The following CHD8 variants were observed in gnomAD, a reference collection of about 807,000 sequenced individuals.
The protein encoded by CHD8 is ATP-dependent chromatin remodeler CHD8.
A neutral mutation model predicts 279.2 loss-of-function variants in CHD8; 31 were observed. The ratio of observed to expected loss-of-function variants is 0.11; its 90% CI spans 0.08 to 0.15. The LOEUF is 0.15. CHD8 is among the 10% of genes least tolerant of loss of function. The pLI is 1.00. For synonymous variants in CHD8, 1,081 were observed against 1,139.6 expected (o/e 0.95, Z 1.04); for missense variants, 2,146 against 3,230.5 (o/e 0.66, Z 8.14).
chr14:21,390,641 G>A (rs567987897), intron 37 of CHD8, among the ~76,000 whole-genome samples: 17 of 152,040 alleles, frequency 1.1e-4, no homozygotes, highest in Non-Finnish European at 2.2e-4. Flanking sequence ...AGCCAGGCGC[G>A]GTGGCAGGTG....
intron 5 of CHD8, among the ~76,000 whole-genome samples, chr14:21,417,612 T>C (rs1888784290): frequency 1.3e-5 from 2 of 151,916 alleles, no homozygotes; most frequent in South Asian, 4.2e-4. Flanking sequence ...CCCAGCACTT[T>C]GGGAGGCCGA....
In CHD8 at chr14:21,439,804, A is replaced by G. The variant is rs182746176; in HGVS notation, c.-215-7946T>C. Among the ~76,000 whole-genome samples, 331 of 152,360 alleles carry G rather than the reference A, an allele frequency of 2.2e-3. 1 individual carries two copies. Among genetic ancestry groups the G allele is most frequent in the African/African-American group, 7.3e-3 (304 of 41,582 alleles). On this transcript the variant is annotated intron_variant, in intron 1 of 37. Transcript: ENST00000646647. ...TGTCTACATATACTTGCTAGCCAAA[A>G]AAAGACAAATTACTATTGTCGTATT... is the stretch of plus-strand genomic sequence containing the variant.
chr14:21,428,395 C>T lies in CHD8; in HGVS notation c.1216-141G>A. 4 of 745,086 alleles carry T rather than the reference C, an allele frequency of 5.4e-6. 1 individual carries two copies. In the South Asian group the frequency reaches 7.8e-5, roughly 14 times the overall value. 46.2% of individuals were successfully genotyped at this position (745,086 alleles called of 1,614,324 possible). On this transcript the variant is annotated intron_variant, in intron 3 of 37. Transcript: ENST00000646647. The stretch of plus-strand genomic sequence containing the variant: ...CTCAGACTAAATCTTATTGAACCTA[C>T]ACCTACTTTTTAAAATGTATTCTTT...
Position 21,394,476 on chromosome 14 carries a change from C to A in CHD8, c.5400G>T (p.Arg1800Ser). 1.9e-6 allele frequency: 3 copies of A among 1,594,966 alleles called. No homozygotes were observed. The highest frequency in any genetic ancestry group is 2.6e-6 in the Non-Finnish European group (3 of 1,169,990). The change falls in exon 31 of 38, where the codon AGG becomes AGT. Residue 1800 changes from arginine (R) to serine (S), a missense_variant. Physicochemically the swap from Arg to Ser is moderately radical, Grantham distance 110. This residue lies in a region of CHD8 where 513 missense variants were observed against 637.6 expected (regional missense o/e 0.80). Transcript: ENST00000646647. The stretch of plus-strand genomic sequence containing the variant: ...CTCGATAAAAATCAGTTTGTTCACG[C>A]CTTGTCCATCTACAAAAGGAAAAGT... The part of the protein sequence containing the change: ...ARREKQQRWT[R>S]REQTDFYRVV...
At position 21,385,420 on chromosome 14, in the gene CHD8, G is replaced by A; in HGVS notation, c.*193C>T. The A allele has an allele frequency of 1.2e-6, 1 of 867,200 alleles. No homozygotes were observed. The allele number at this position is 867,200 out of a possible 1,614,324, so 53.7% of individuals were successfully genotyped here. A position where few individuals can be genotyped will look rare whatever the true frequency, so the allele number is the denominator to read the frequency against. On this transcript the variant is annotated 3_prime_UTR_variant, in exon 38 of 38. Transcript: ENST00000646647. ...GAGGAAGTGGTCATGTATTATTTTA[G>A]GAGTTCCCCTGCCCACCCAATCCTC...
chr14:21,391,885 T>A lies in CHD8; in HGVS notation c.6833A>T (p.Asp2278Val). The A allele has an allele frequency of 6.2e-7, 1 of 1,613,968 alleles. No individual in the cohort carries two copies. The highest frequency in any genetic ancestry group is 1.3e-5 in the African/African-American group (1 of 75,050). Reference protein sequence around the residue: ...HKLMANGVMGDGHPLFHKKKG... With the variant: ...HKLMANGVMGVGHPLFHKKKG... ...CTTCTTATGAAACAGTGGATGTCCA[T>A]CTCCCATTACTCCATTCGCCATCAA... The change falls in exon 35 of 38, where the codon GAT (aspartate) becomes GTT (valine). Residue 2278 changes from aspartate (D) to valine (V), a missense_variant. Around this residue, in one of 26 missense-constraint regions of CHD8, gnomAD observed 336 missense variants for 392.9 expected, o/e 0.86. Transcript: ENST00000646647.
chr14:21,429,483 C>T (rs373148160), intron 2 of CHD8, 148 bp from the exon 3 acceptor site: 3 of 863,260 alleles, frequency 3.5e-6, no homozygotes, highest in Non-Finnish European at 5.9e-6. Context: ...TCCTATCTGT[C>T]TTGATGCAAT....
chr14:21,441,652 G>T (rs1038879762), intron 1 of CHD8, among the ~76,000 whole-genome samples: 3 of 152,076 alleles, frequency 2.0e-5, no homozygotes, highest in Non-Finnish European at 4.4e-5. Context: ...ACTTTGGGAG[G>T]CCAAGGCGGG....
intron 37 of CHD8, among the ~76,000 whole-genome samples, chr14:21,389,161 A>G (rs1165794083): frequency 6.6e-6 from 1 of 151,862 alleles, no homozygotes; most frequent in Admixed American, 6.5e-5. Context: ...TTAGCTGGGC[A>G]TGGTTGCACA....
Position 21,408,494 on chromosome 14 carries a change from A to G in CHD8, c.2548T>C (p.Leu850=), listed in dbSNP as rs1283554934. The change falls in exon 13 of 38, where the codon TTG becomes CTG. Residue 850 remains leucine (L), a synonymous_variant. Transcript: ENST00000646647. This position sits in a 1 kb window ranked among gnomAD's most constrained non-coding sequence, Gnocchi z 4.3. ...LGKTIQSIAF[L]QEVYNVGIHG... ...ATGCCCACATTATATACTTCCTGCA[A>G]GAAGGCAATGGACTGAATAGTTTTG... 1.2e-6 allele frequency: 2 copies of G among 1,613,910 alleles called. No individual in the cohort carries two copies. The highest frequency in any genetic ancestry group is 2.7e-5 in the African/African-American group (2 of 74,930).
Position 21,428,188 on chromosome 14 carries a change from C to T in CHD8, c.1282G>A (p.Ala428Thr). Residue 428 changes from alanine (A) to threonine (T), a missense_variant, in exon 4 of 38, where the codon GCA (alanine) becomes ACA (threonine). This residue lies in a region of CHD8 where 170 missense variants were observed against 189.9 expected (regional missense o/e 0.90). Transcript: ENST00000646647. ...GAGCTTGCTGGTGATGACAAAGCTG[C>T]CACTTCACTGGCACTCAGAACTTTA... is the stretch of plus-strand genomic sequence containing the variant. ...VVKVLSASEV[A>T]ALSSPASSAP... 1 of 1,614,034 alleles carries T rather than the reference C, an allele frequency of 6.2e-7. No homozygotes were observed. Among genetic ancestry groups the T allele is most frequent in the Non-Finnish European group, 8.5e-7 (1 of 1,179,896 alleles).
chr14:21,413,988 C>A, intron 9 of CHD8: 1 of 248,606 alleles, frequency 4.0e-6, no homozygotes, highest in African/African-American at 2.3e-5. Context: ...CTACAGAAAC[C>A]ATCAATAGCT....
At chr14:21,437,252 C>CCCT (rs1889824812) in intron 1 of CHD8, 2 of 1,166,594 alleles carry the variant, frequency 1.7e-6, no homozygotes, top group South Asian at 1.6e-5. Flanking sequence ...CACCAGTTCC[C>CCCT]CCTCCTCCTG....
chr14:21,450,337 T>C (rs1056652484), intron 1 of CHD8, among the ~76,000 whole-genome samples: 19 of 152,140 alleles, frequency 1.2e-4, no homozygotes, highest in African/African-American at 4.3e-4. Context: ...ATATCACTAA[T>C]ATGACAATGT....
chr14:21,431,725 C>T lies in CHD8; in HGVS notation c.-82G>A. Reference sequence around the variant, plus strand: ...GGTACTGGCTCTCCCCTCCCCTCCCCTATTAAGAAAAAAATGTACACAATG... The same window carrying T: ...GGTACTGGCTCTCCCCTCCCCTCCCTTATTAAGAAAAAAATGTACACAATG... On this transcript the variant is annotated 5_prime_UTR_variant, in exon 2 of 38. Transcript: ENST00000646647. 1 of 1,610,552 alleles carries T rather than the reference C, an allele frequency of 6.2e-7. No individual in the cohort carries two copies. The highest frequency in any genetic ancestry group is 1.1e-5 in the South Asian group (1 of 90,718).
Position 21,415,833 on chromosome 14 carries a change from T to A in CHD8, c.1791A>T (p.Glu597Asp), listed in dbSNP as rs940173876. 1 of 1,613,734 alleles carries A rather than the reference T, an allele frequency of 6.2e-7. No homozygotes were observed. The highest frequency in any genetic ancestry group is 8.5e-7 in the Non-Finnish European group (1 of 1,179,636). ...EDLDIKITDD[E>D]EEEEVDVTGP... is the part of the protein sequence containing the mutation. ...CAGTTACATCCACCTCTTCTTCTTCTTCATCATCTGTGATCTTTATATCCA... is the reference window on the plus strand; with the variant it reads ...CAGTTACATCCACCTCTTCTTCTTCATCATCATCTGTGATCTTTATATCCA... Residue 597 changes from glutamate to aspartate, a missense_variant, in exon 6 of 38, where the codon GAA becomes GAT. Transcript: ENST00000646647.
intron 1 of CHD8, chr14:21,437,363 G>T (rs181436528): frequency 1.3e-5 from 9 of 685,562 alleles, no homozygotes; most frequent in Admixed American, 5.0e-5. Context: ...GCAAAGGGTG[G>T]GACTATAAGG....
chr14:21,385,234 A>T lies in CHD8; in HGVS notation c.*379T>A, dbSNP rs1431145247. The T allele has an allele frequency of 9.5e-6, 2 of 210,722 alleles. No homozygotes were observed. The highest frequency in any genetic ancestry group is 1.9e-5 in the Non-Finnish European group (2 of 105,112). The allele number at this position is 210,722 out of a possible 1,614,324, so 13.1% of individuals were successfully genotyped here. ...TTAAATTTATTAATGCCAAGGGGAA[A>T]GAAGGTAACAGTTCCTGACCCTCCA... is the stretch of plus-strand genomic sequence containing the variant. On this transcript the variant is annotated 3_prime_UTR_variant, in exon 38 of 38. Coordinates refer to ENST00000646647, the MANE Select transcript of CHD8 (RefSeq NM_001170629.2).
At chr14:21,414,611 AC>A in intron 8 of CHD8, 193 bp from the exon 9 acceptor site, 1 of 593,100 alleles carries the variant, frequency 1.7e-6, no homozygotes, top group South Asian at 2.1e-5. Context: ...TTGAAAGCCC[AC>A]ATTTTTAAAA....
Sources: allele counts gnomAD v4.1 joint callset (sites outside exome capture counted in the v4.1 genomes callset), GRCh38; gene constraint gnomAD v4.1.1; regional missense constraint gnomAD v4.1.1; non-coding constraint Gnocchi (gnomAD v3.1); transcripts MANE v1.5; gene names NCBI Gene and HGNC (gene_info 2026-07-23, HGNC 2026-07-21).